CRISPLD2: variants seen among roughly 807,000 people sequenced by gnomAD.
CRISPLD2 encodes cysteine rich secretory protein LCCL domain containing 2.
In CRISPLD2, 47 loss-of-function variants were observed where a neutral mutation model predicts 71.1. The observed-to-expected ratio is 0.66, with a 90% CI of 0.52 to 0.84. The LOEUF is 0.84. CRISPLD2 is among the 40% of genes least tolerant of loss of function. The probability of loss-of-function intolerance (pLI) is 0.00; values close to 1 mark genes in which losing one functional copy is unlikely to be tolerated. For missense variants in CRISPLD2, 830 were observed against 651.1 expected, an observed-to-expected ratio of 1.27 and a Z score of -2.99; for synonymous variants, 317 against 250.1, an observed-to-expected ratio of 1.27 and a Z score of -2.52.
chr16:84,881,074 G>C (rs1205018373), intron 13 of CRISPLD2, among the ~76,000 whole-genome samples: 1 of 152,138 alleles, frequency 6.6e-6, no homozygotes, highest in African/African-American at 2.4e-5. Context: ...TCTAGAGATA[G>C]TAGTGCTTCT....
chr16:84,878,943 G>T (rs750822478), intron 12 of CRISPLD2, among the ~76,000 whole-genome samples: 16 of 152,240 alleles, frequency 1.1e-4, no homozygotes, highest in Non-Finnish European at 2.1e-4. Context: ...GATGAAGACA[G>T]CTGCCCTGGA....
intron 14 of CRISPLD2, among the ~76,000 whole-genome samples, chr16:84,892,702 G>A (rs777591906): frequency 1.3e-5 from 2 of 152,104 alleles, no homozygotes; most frequent in Non-Finnish European, 2.9e-5. Context: ...TCAGCCAGGC[G>A]TGGTGGCTCA....
intron 2 of CRISPLD2, among the ~76,000 whole-genome samples, chr16:84,843,205 G>A (rs574476969): frequency 3.9e-5 from 6 of 152,296 alleles, no homozygotes; most frequent in South Asian, 2.1e-4. Flanking sequence ...AGGCTACCTC[G>A]GAGCAAGGAG....
At chr16:84,852,011 C>G (rs1917102248) in intron 5 of CRISPLD2, among the ~76,000 whole-genome samples, 4 of 151,060 alleles carry the variant, frequency 2.6e-5, no homozygotes, top group African/African-American at 9.9e-5. Flanking sequence ...CTAGAAGTCC[C>G]CTGGACCAAG....
chr16:84,870,777 G>A (rs1455518697), intron 8 of CRISPLD2, among the ~76,000 whole-genome samples: 2 of 151,996 alleles, frequency 1.3e-5, no homozygotes, highest in African/African-American at 2.4e-5. Flanking sequence ...AAACAGTTGC[G>A]GCCAGGTACG....
rs1333411767 is a variant in CRISPLD2 at position 84,873,503 on chromosome 16, C to CAA, written c.1112+382_1112+383dup. On this transcript the variant is annotated intron_variant, in intron 10 of 14. Coordinates refer to ENST00000262424, the MANE Select transcript of CRISPLD2 (RefSeq NM_031476.4). ...AAAAAAAAAAAAAAGAAAACAACAA[C>CAA]AACAAAAAAAAAAACAAAAAAAAAA... The CAA allele has an allele frequency of 1.1e-3, 101 of 88,598 alleles. 5 individuals carry two copies. Among genetic ancestry groups the CAA allele is most frequent in the African/African-American group, 2.9e-3 (43 of 14,674 alleles). 5.5% of individuals were successfully genotyped at this position (88,598 alleles called of 1,614,324 possible).
chr16:84,826,698 CA>C (rs1916360688), intron 1 of CRISPLD2, among the ~76,000 whole-genome samples: 1 of 152,232 alleles, frequency 6.6e-6, no homozygotes, highest in African/African-American at 2.4e-5. Context: ...CATCGCAGGA[CA>C]AAGTGCTCTC....
At chr16:84,848,985 CAAAA>C (rs11389223) in intron 3 of CRISPLD2, among the ~76,000 whole-genome samples, 1 of 106,766 alleles carries the variant, frequency 9.4e-6, no homozygotes. Context: ...GACTCCGTCT[CAAAA>C]AAAAAAAAAA....
intron 1 of CRISPLD2, among the ~76,000 whole-genome samples, chr16:84,835,776 C>G (rs1352854659): frequency 6.6e-6 from 1 of 152,260 alleles, no homozygotes; most frequent in Non-Finnish European, 1.5e-5. Context: ...AGCCTCTAAG[C>G]TGTGGAAGTC....
At chr16:84,888,642 C>T (rs1192815731) in intron 13 of CRISPLD2, among the ~76,000 whole-genome samples, 1 of 152,218 alleles carries the variant, frequency 6.6e-6, no homozygotes, top group Non-Finnish European at 1.5e-5. Context: ...GCCTGACTCA[C>T]TGTATTCCAG....
Position 84,872,853 on chromosome 16 carries a change from C to T in CRISPLD2, c.982-139C>T, listed in dbSNP as rs1296379434. 24 of 1,075,942 alleles carry T rather than the reference C, an allele frequency of 2.2e-5. No individual in the cohort carries two copies. In the Admixed American group the frequency reaches 2.4e-4, roughly 11 times the overall value. The allele number at this position is 1,075,942 out of a possible 1,614,324, so 66.6% of individuals were successfully genotyped here. A position where few individuals can be genotyped will look rare whatever the true frequency, so the allele number is the denominator to read the frequency against. ...ACAAATATGTGGTTACAGACAGAGGCGAGAGGCAGGAGCAGAGTGAGCTTT... is the reference window on the plus strand; with the variant it reads ...ACAAATATGTGGTTACAGACAGAGGTGAGAGGCAGGAGCAGAGTGAGCTTT... On this transcript the variant is annotated intron_variant, in intron 9 of 14. Transcript: ENST00000262424.
At position 84,909,359 on chromosome 16, in the gene CRISPLD2, T is replaced by G. The variant is rs2071832465; in HGVS notation, c.*2717T>G. 2 of 152,662 alleles carry G rather than the reference T, an allele frequency of 1.3e-5. No homozygotes were observed. The highest frequency in any genetic ancestry group is 2.9e-5 in the Non-Finnish European group (2 of 68,048). The allele number at this position is 152,662 out of a possible 1,614,324, so 9.5% of individuals were successfully genotyped here. ...TTTTGCTACTTCCTGTGTACAAAGT[T>G]TTATTGTAAATGTTTTTTGTGCTTT... On this transcript the variant is annotated 3_prime_UTR_variant, in exon 15 of 15. Coordinates refer to ENST00000262424, the MANE Select transcript of CRISPLD2 (RefSeq NM_031476.4).
chr16:84,889,680 T>A (rs1336743382), intron 14 of CRISPLD2, among the ~76,000 whole-genome samples: 1 of 151,634 alleles, frequency 6.6e-6, no homozygotes, highest in Non-Finnish European at 1.5e-5. Flanking sequence ...AGATAAACAG[T>A]CATCCATAAC....
At chr16:84,856,691 C>G (rs1917249892) in intron 6 of CRISPLD2, among the ~76,000 whole-genome samples, 1 of 152,164 alleles carries the variant, frequency 6.6e-6, no homozygotes, top group African/African-American at 2.4e-5. Flanking sequence ...GAACTTTGCC[C>G]CAGCCCTGCC....
intron 1 of CRISPLD2, among the ~76,000 whole-genome samples, chr16:84,837,709 C>A (rs528418263): frequency 3.3e-4 from 50 of 152,286 alleles, no homozygotes; most frequent in African/African-American, 1.2e-3. Context: ...GAGCCACCGC[C>A]CCCGGCCAGC....
intron 11 of CRISPLD2, among the ~76,000 whole-genome samples, chr16:84,877,166 A>G (rs1301535074): frequency 6.6e-6 from 1 of 152,334 alleles, no homozygotes; most frequent in African/African-American, 2.4e-5. Flanking sequence ...GAAAGTCACC[A>G]TTCAGATGAA....
rs1010786422 is a variant in CRISPLD2, at chr16:84,896,445, C to T, written c.1439+7082C>T. On this transcript the variant is annotated intron_variant, in intron 14 of 14. Coordinates refer to ENST00000262424, the MANE Select transcript of CRISPLD2 (RefSeq NM_031476.4). Reference sequence around the variant, plus strand: ...ACAGACAGTCTTAGACACTTAAGATCGTTCAACTTATGACTTTTCAACTTT... The same window carrying T: ...ACAGACAGTCTTAGACACTTAAGATTGTTCAACTTATGACTTTTCAACTTT... Among the ~76,000 whole-genome samples, 12 of 152,124 alleles carry T rather than the reference C, an allele frequency of 7.9e-5. 1 individual carries two copies. The highest frequency in any genetic ancestry group is 7.2e-4 in the Admixed American group (11 of 15,270).
chr16:84,872,408 A>G, intron 8 of CRISPLD2, 34 bp from the exon 9 acceptor site: 1 of 1,571,782 alleles, frequency 6.4e-7, no homozygotes, highest in Non-Finnish European at 8.8e-7. Context: ...CAACGTGCTT[A>G]TCTCTGAACA....
chr16:84,835,293 T>C (rs1375918704), intron 1 of CRISPLD2, among the ~76,000 whole-genome samples: 1 of 152,132 alleles, frequency 6.6e-6, no homozygotes, highest in Non-Finnish European at 1.5e-5. Context: ...TTTCTCCGTG[T>C]TGGCCAGGCT....
Sources: gnomAD v4.1 joint callset for allele counts (sites outside exome capture counted in the v4.1 genomes callset) on GRCh38, gnomAD v4.1.1 for gene constraint, MANE v1.5 for transcripts, NCBI Gene and HGNC (gene_info 2026-07-23, HGNC 2026-07-21) for gene names.